Variants in SLC35F1 observed in about 807,000 individuals in gnomAD.
SLC35F1 encodes the protein chromosome 6 open reading frame 169.
Under a neutral mutation model 48.7 loss-of-function variants are expected in SLC35F1, and 14 were observed. The observed-to-expected ratio is 0.29, with a 90% CI of 0.19 to 0.45. SLC35F1 has a LOEUF of 0.45. Ranked by LOEUF, SLC35F1 falls within the 20% of genes least tolerant of loss-of-function variation. The pLI, the probability that SLC35F1 is intolerant of heterozygous loss-of-function variation, is 1.00. For synonymous variants in SLC35F1, 190 were observed against 202.2 expected (o/e 0.94, Z 0.51); for missense variants, 404 against 500.0 (o/e 0.81, Z 1.83).
chr6:117,998,409 T>C lies in SLC35F1; in HGVS notation c.173+90510T>C, dbSNP rs1777033990. On this transcript the variant is annotated intron_variant, in intron 1 of 7. Coordinates refer to ENST00000360388, the MANE Select transcript of SLC35F1 (RefSeq NM_001029858.4). ...AGGATACCCAGGAATTGAACTCAGC[T>C]CTGCACCAAGTGGACCTAATAGACA... Among the ~76,000 whole-genome samples, 5 of 152,056 alleles carry C rather than the reference T, an allele frequency of 3.3e-5. 1 individual carries two copies. In the South Asian group the frequency reaches 1.0e-3, roughly 32 times the overall value.
chr6:118,061,474 C>T lies in SLC35F1; in HGVS notation c.174-92971C>T, dbSNP rs921848345. Among the ~76,000 whole-genome samples, 11 of 151,936 alleles carry T rather than the reference C, an allele frequency of 7.2e-5. 1 individual carries two copies. The highest frequency in any genetic ancestry group is 1.5e-4 in the Non-Finnish European group (10 of 67,998). On this transcript the variant is annotated intron_variant, in intron 1 of 7. Coordinates refer to ENST00000360388, the MANE Select transcript of SLC35F1 (RefSeq NM_001029858.4). ...TTTACTTGATAGCATCAAACAAACACTATCATTATAAAACTAGATATATGA... is the reference window on the plus strand; with the variant it reads ...TTTACTTGATAGCATCAAACAAACATTATCATTATAAAACTAGATATATGA...
At chr6:118,254,130 G>A (rs1383607063) in intron 3 of SLC35F1, among the ~76,000 whole-genome samples, 1 of 152,134 alleles carries the variant, frequency 6.6e-6, no homozygotes, top group Non-Finnish European at 1.5e-5. Flanking sequence ...GTGTCAACTG[G>A]AGGAAAGAAA....
At chr6:118,294,994 G>T (rs1486036325) in intron 7 of SLC35F1, among the ~76,000 whole-genome samples, 1 of 152,108 alleles carries the variant, frequency 6.6e-6, no homozygotes, top group East Asian at 1.9e-4. Flanking sequence ...ATTGCTTTGA[G>T]TTACAAAATA....
At chr6:118,166,673 GTC>G (rs1209799961) in intron 2 of SLC35F1, among the ~76,000 whole-genome samples, 1 of 152,168 alleles carries the variant, frequency 6.6e-6, no homozygotes, top group Non-Finnish European at 1.5e-5. Context: ...AAATGTAGAA[GTC>G]TCTGCACTGT....
chr6:118,264,406 T>G (rs2114617419), intron 3 of SLC35F1, among the ~76,000 whole-genome samples: 1 of 152,354 alleles, frequency 6.6e-6, no homozygotes, highest in South Asian at 2.1e-4. Flanking sequence ...CTTGATTGTA[T>G]CCTTCTTTAA....
At position 118,238,063 on chromosome 6, in the gene SLC35F1, A is replaced by G. The variant is rs114384896; in HGVS notation, c.477+2427A>G. 7.1e-3 allele frequency among the ~76,000 whole-genome samples: 1,075 copies of G among 152,270 alleles called. 12 individuals carry two copies. Among genetic ancestry groups the G allele is most frequent in the African/African-American group, 0.025 (1,021 of 41,546 alleles). ...TTCTCATCTTAGAAATGGTATAAGA[A>G]TATTTCCCACTACAGATGTCCCATA... On this transcript the variant is annotated intron_variant, in intron 3 of 7. Transcript: ENST00000360388.
chr6:117,985,392 T>A (rs1776835462), intron 1 of SLC35F1, among the ~76,000 whole-genome samples: 1 of 152,252 alleles, frequency 6.6e-6, no homozygotes, highest in Non-Finnish European at 1.5e-5. Context: ...ATTAGACAAT[T>A]CACAATTCAC....
At chr6:118,088,857 C>A (rs1321142962) in intron 1 of SLC35F1, among the ~76,000 whole-genome samples, 1 of 152,160 alleles carries the variant, frequency 6.6e-6, no homozygotes, top group Non-Finnish European at 1.5e-5. Flanking sequence ...GACACTTCTA[C>A]ATTCATCAAG....
chr6:118,281,799 C>T (rs1171055503), intron 6 of SLC35F1, among the ~76,000 whole-genome samples: 2 of 152,200 alleles, frequency 1.3e-5, no homozygotes, highest in East Asian at 3.8e-4. Flanking sequence ...ATAACATATC[C>T]TCTATTTAAC....
chr6:118,307,531 T>C (rs1463471200), intron 7 of SLC35F1, among the ~76,000 whole-genome samples: 1 of 151,486 alleles, frequency 6.6e-6, no homozygotes, highest in Non-Finnish European at 1.5e-5. Flanking sequence ...AATTGAGGAG[T>C]TTGAAAGTAT....
chr6:117,958,808 T>C (rs1415057626), intron 1 of SLC35F1, among the ~76,000 whole-genome samples: 4 of 152,222 alleles, frequency 2.6e-5, no homozygotes, highest in Admixed American at 2.6e-4. Flanking sequence ...TATACTTCTT[T>C]ATATGTTTAA....
chr6:118,297,637 TAAA>T (rs1198340632), intron 7 of SLC35F1, among the ~76,000 whole-genome samples: 1 of 107,074 alleles, frequency 9.3e-6, no homozygotes, highest in African/African-American at 3.7e-5. Flanking sequence ...TATATATATA[TAAA>T]AAATATATAT....
At chr6:117,970,595 C>T (rs536697081) in intron 1 of SLC35F1, among the ~76,000 whole-genome samples, 7 of 152,090 alleles carry the variant, frequency 4.6e-5, no homozygotes, top group Non-Finnish European at 8.8e-5. Context: ...AAGAAATATC[C>T]GAGACTGGGT....
chr6:117,994,771 T>A (rs75517541), intron 1 of SLC35F1, among the ~76,000 whole-genome samples: 2,720 of 152,294 alleles, frequency 0.018, 32 homozygotes, highest in East Asian at 0.032. Context: ...GGGTTAAATT[T>A]CATCAGAATG....
intron 1 of SLC35F1, among the ~76,000 whole-genome samples, chr6:117,928,153 G>GA (rs1268782679): frequency 2.0e-5 from 3 of 151,712 alleles, no homozygotes; most frequent in Non-Finnish European, 2.9e-5. Flanking sequence ...GTATAATCAA[G>GA]AAAAAAAATG....
At chr6:118,290,303 T>C (rs544836659) in intron 7 of SLC35F1, among the ~76,000 whole-genome samples, 1 of 152,270 alleles carries the variant, frequency 6.6e-6, no homozygotes, top group South Asian at 2.1e-4. Context: ...TAGAGAATTC[T>C]ACTGACCAAA....
intron 2 of SLC35F1, among the ~76,000 whole-genome samples, chr6:118,174,488 A>G (rs1022252705): frequency 1.6e-4 from 25 of 152,284 alleles, no homozygotes; most frequent in African/African-American, 5.1e-4. Context: ...GGCACAAGGT[A>G]TCCAGTTAAA....
intron 1 of SLC35F1, among the ~76,000 whole-genome samples, chr6:118,117,060 G>A (rs182848891): frequency 8.3e-4 from 126 of 152,250 alleles, no homozygotes; most frequent in African/African-American, 2.7e-3. Context: ...TACAAACCCT[G>A]TAACTTGAAC....
chr6:118,094,360 G>T (rs909590459), intron 1 of SLC35F1, among the ~76,000 whole-genome samples: 1 of 152,092 alleles, frequency 6.6e-6, no homozygotes, highest in African/African-American at 2.4e-5. Flanking sequence ...CCACAAAATT[G>T]CTTCCATTTT....
Sources: allele counts gnomAD v4.1 joint callset (sites outside exome capture counted in the v4.1 genomes callset), GRCh38; gene constraint gnomAD v4.1.1; transcripts MANE v1.5; gene names NCBI Gene and HGNC (gene_info 2026-07-23, HGNC 2026-07-21).